The following RAI1 variants were observed in gnomAD, a reference collection of about 807,000 sequenced individuals.
RAI1 encodes retinoic acid-induced protein 1.
RAI1 carries 9 observed loss-of-function variants against 123.8 expected under a neutral mutation model. The ratio of observed to expected loss-of-function variants is 0.07; its 90% CI spans 0.04 to 0.13. The LOEUF (loss-of-function observed/expected upper bound fraction) is 0.13, where lower values mean the gene tolerates loss of function less well. RAI1 is among the 10% of genes least tolerant of loss of function. The probability of loss-of-function intolerance (pLI) is 1.00; values close to 1 mark genes in which losing one functional copy is unlikely to be tolerated. For missense variants in RAI1, 2,256 were observed against 2,545.8 expected (o/e 0.89, Z 2.45); for synonymous variants, 1,231 against 1,127.3 (o/e 1.09, Z -1.84).
chr17:17,790,466 C>T (rs1387900409), intron 2 of RAI1, among the ~76,000 whole-genome samples: 2 of 152,060 alleles, frequency 1.3e-5, no homozygotes, highest in African/African-American at 2.4e-5. Flanking sequence ...TAATACAGCT[C>T]GGCTAAATTA....
chr17:17,779,848 C>T (rs1219847803), intron 2 of RAI1, among the ~76,000 whole-genome samples: 1 of 149,590 alleles, frequency 6.7e-6, no homozygotes, highest in African/African-American at 2.5e-5. Flanking sequence ...GATCTTGGCT[C>T]ACTGCAGGCT....
chr17:17,684,690 A>ATG (rs1567817665), intron 1 of RAI1: 12 of 53,302 alleles, frequency 2.3e-4, no homozygotes, highest in South Asian at 1.2e-3. Context: ...ATATATATAT[A>ATG]TATATATATA....
Position 17,810,334 on chromosome 17 carries a change from A to C in RAI1, c.*353A>C, listed in dbSNP as rs927118462. On this transcript the variant is annotated 3_prime_UTR_variant, in exon 6 of 6. Coordinates refer to ENST00000353383, the MANE Select transcript of RAI1 (RefSeq NM_030665.4). The surrounding 1 kb of genome is among the most constrained non-coding windows in gnomAD (Gnocchi z 4.6). Reference sequence around the variant, plus strand: ...TGGGAGACGGCTTTGTCCTGGGGACACTTTCCCTCTGGAATCTCAAGACGA... The same window carrying C: ...TGGGAGACGGCTTTGTCCTGGGGACCCTTTCCCTCTGGAATCTCAAGACGA... 7.9e-6 allele frequency: 3 copies of C among 379,192 alleles called. No individual in the cohort carries two copies. Among genetic ancestry groups the C allele is most frequent in the African/African-American group, 6.4e-5 (3 of 46,708 alleles). 23.5% of individuals were successfully genotyped at this position (379,192 alleles called of 1,614,324 possible).
In RAI1 at chr17:17,797,069, G is replaced by C. The variant is rs186482605; in HGVS notation, c.4121G>C (p.Ser1374Thr). ...CGTGGGCTCAAGGGTGCTGGGGGCA[G>C]CCCAGTGGGGGTGGAAGAAGGCCTG... ...KDRGLKGAGG[S>T]PVGVEEGLVN... The change falls in exon 3 of 6, where the codon AGC becomes ACC. Residue 1374 changes from serine (S) to threonine (T), a missense_variant. By Grantham distance (58) the Ser-to-Thr change is moderately conservative. Around this residue, in one of 7 missense-constraint regions of RAI1, gnomAD observed 322 missense variants for 358.0 expected, o/e 0.90. Transcript: ENST00000353383. 6.2e-7 allele frequency: 1 copy of C among 1,613,964 alleles called. No homozygotes were observed. The highest frequency in any genetic ancestry group is 2.2e-5 in the East Asian group (1 of 44,886).
intron 2 of RAI1, among the ~76,000 whole-genome samples, chr17:17,737,039 A>G (rs905445655): frequency 2.0e-5 from 3 of 152,196 alleles, no homozygotes; most frequent in African/African-American, 7.2e-5. Flanking sequence ...GATGGATTAC[A>G]TTTGAAGATG....
chr17:17,792,712 A>G (rs1477479130), intron 2 of RAI1, among the ~76,000 whole-genome samples: 1 of 150,462 alleles, frequency 6.6e-6, no homozygotes, highest in Non-Finnish European at 1.5e-5. Flanking sequence ...CCTCCCTGAC[A>G]CAGAAGTTGT....
intron 2 of RAI1, among the ~76,000 whole-genome samples, chr17:17,732,930 C>T (rs138419460): frequency 7.9e-4 from 120 of 152,318 alleles, no homozygotes; most frequent in South Asian, 6.0e-3. Context: ...CCCAGGTGGG[C>T]GCTGTTTGGC....
chr17:17,757,439 T>A (rs1235715364), intron 2 of RAI1, among the ~76,000 whole-genome samples: 1 of 152,158 alleles, frequency 6.6e-6, no homozygotes, highest in Non-Finnish European at 1.5e-5. Context: ...AACCCCAGCC[T>A]GCCGTAGGGG....
In RAI1 at chr17:17,800,792, A is replaced by C. The variant is rs1425418607; in HGVS notation, c.5565+2279A>C. On this transcript the variant is annotated intron_variant, in intron 3 of 5. Transcript: ENST00000353383. This position sits in a 1 kb window ranked among gnomAD's most constrained non-coding sequence, Gnocchi z 4.7. ...GCAGAGTCTGGGGCTTCCCAGGGTC[A>C]CTTTTGGCTCACCACCCCTTCCTGC... Among the ~76,000 whole-genome samples the C allele has an allele frequency of 6.6e-6, 1 of 152,210 alleles. No individual in the cohort carries two copies. The highest frequency in any genetic ancestry group is 1.5e-5 in the Non-Finnish European group (1 of 68,024).
Position 17,794,978 on chromosome 17 carries a change from G to T in RAI1, c.2030G>T (p.Gly677Val). ...LPDSLQLDKG[G>V]NAKDFSPGLF... ...GACTCCTTGCAGCTGGACAAGGGCG[G>T]CAATGCCAAGGACTTCAGCCCAGGG... The change falls in exon 3 of 6, where the codon GGC becomes GTC. Residue 677 changes from glycine (G) to valine (V), a missense_variant. Gly to Val is a moderately radical substitution (Grantham distance 109). Transcript: ENST00000353383. 2 of 1,613,946 alleles carry T rather than the reference G, an allele frequency of 1.2e-6. No homozygotes were observed. The highest frequency in any genetic ancestry group is 1.7e-6 in the Non-Finnish European group (2 of 1,180,042).
chr17:17,693,483 C>T lies in RAI1; in HGVS notation c.-149+11690C>T, dbSNP rs560986479. On this transcript the variant is annotated intron_variant, in intron 1 of 5. Coordinates refer to ENST00000353383, the MANE Select transcript of RAI1 (RefSeq NM_030665.4). ...CTCCACCCAACTGGCACCCTACATT[C>T]TAAGATGCTGCGAGGGGGCTCCAAA... 2.6e-5 allele frequency among the ~76,000 whole-genome samples: 4 copies of T among 152,368 alleles called. No homozygotes were observed. In the East Asian group the frequency reaches 7.7e-4, roughly 29 times the overall value.
At chr17:17,753,121 C>T (rs1460114603) in intron 2 of RAI1, among the ~76,000 whole-genome samples, 1 of 152,164 alleles carries the variant, frequency 6.6e-6, no homozygotes, top group Non-Finnish European at 1.5e-5. Context: ...ACCCCAGGCC[C>T]GAGGAGCCTG....
rs953976899 is a variant in RAI1, at chr17:17,682,980, C to G, written c.-149+1187C>G. Among the ~76,000 whole-genome samples, 14 of 152,262 alleles carry G rather than the reference C, an allele frequency of 9.2e-5. No homozygotes were observed. The East Asian group carries it at 2.5e-3, about 27-fold the overall frequency. ...CGGGCGCTGCTCCGCGCGCCGCACA[C>G]TCTCCCGCGCCGCCTTCCCCGCGGT... is the stretch of plus-strand genomic sequence containing the variant. On this transcript the variant is annotated intron_variant, in intron 1 of 5. Transcript: ENST00000353383.
intron 3 of RAI1, among the ~76,000 whole-genome samples, 187 bp from the exon 4 acceptor site, chr17:17,803,569 G>C (rs2032529363): frequency 6.6e-6 from 1 of 151,878 alleles, no homozygotes; most frequent in South Asian, 2.1e-4. Flanking sequence ...ACTATTTTTT[G>C]TAGAGACAGT....
At chr17:17,732,965 T>C (rs1357801513) in intron 2 of RAI1, among the ~76,000 whole-genome samples, 2 of 152,074 alleles carry the variant, frequency 1.3e-5, no homozygotes, top group Non-Finnish European at 2.9e-5. Flanking sequence ...AAAAATAACA[T>C]TGGATTTCAC....
chr17:17,768,695 C>T (rs2031030556), intron 2 of RAI1, among the ~76,000 whole-genome samples: 2 of 152,252 alleles, frequency 1.3e-5, no homozygotes, highest in Non-Finnish European at 2.9e-5. Context: ...CAGCCAGACA[C>T]ACTGGGGAGA....
intron 2 of RAI1, among the ~76,000 whole-genome samples, chr17:17,792,300 G>GGTGT (rs917133162): frequency 5.9e-5 from 9 of 152,030 alleles, no homozygotes; most frequent in African/African-American, 2.2e-4. Context: ...TGATAGAGGA[G>GGTGT]GTGTGTGTGT....
At position 17,792,924 on chromosome 17, in the gene RAI1, T is replaced by TTTTCA. The variant is rs752909278; in HGVS notation, c.-16-8_-16-4dup. 3.4e-6 allele frequency: 5 copies of TTTTCA among 1,480,210 alleles called. No individual in the cohort carries two copies. The highest frequency in any genetic ancestry group is 4.7e-6 in the Non-Finnish European group (5 of 1,072,722). 91.7% of individuals were successfully genotyped at this position (1,480,210 alleles called of 1,614,324 possible). A position where few individuals can be genotyped will look rare whatever the true frequency, so the allele number is the denominator to read the frequency against. On this transcript the variant is annotated splice_polypyrimidine_tract_variant and intron_variant, in intron 2 of 5. Transcript: ENST00000353383. ...CCCTCCCTCCCTCCCTTCCTTTTTC[T>TTTTCA]TTTCACAGATAACCAGCCCGAGTCA...
chr17:17,800,079 C>T lies in RAI1; in HGVS notation c.5565+1566C>T, dbSNP rs559787835. Among the ~76,000 whole-genome samples, 5 of 152,158 alleles carry T rather than the reference C, an allele frequency of 3.3e-5. No individual in the cohort carries two copies. Among genetic ancestry groups the T allele is most frequent in the Non-Finnish European group, 7.4e-5 (5 of 68,020 alleles). ...CAGGACTCCTGCAGGTTCCTGGTGC[C>T]GCGGGCCTTGCTTACCCAGCAGATG... On this transcript the variant is annotated intron_variant, in intron 3 of 5. Coordinates refer to ENST00000353383, the MANE Select transcript of RAI1 (RefSeq NM_030665.4). The surrounding 1 kb of genome is among the most constrained non-coding windows in gnomAD (Gnocchi z 4.7).
Sources: allele counts gnomAD v4.1 joint callset (sites outside exome capture counted in the v4.1 genomes callset), GRCh38; gene constraint gnomAD v4.1.1; regional missense constraint gnomAD v4.1.1; non-coding constraint Gnocchi (gnomAD v3.1); transcripts MANE v1.5; gene names NCBI Gene and HGNC (gene_info 2026-07-23, HGNC 2026-07-21).